Variants in BLTP3B observed in about 807,000 individuals in gnomAD.
The protein encoded by BLTP3B is UHRF1 (ICBP90) binding protein 1-like.
At chr12:100,095,150 C>T in the BLTP3B span, among the ~76,000 whole-genome samples, 89 of 152,270 alleles carry the variant, frequency 5.8e-4, no homozygotes, top group Non-Finnish European at 9.4e-4. Context: ...CCTCTCCATA[C>T]CAACTAATAA....
At chr12:100,136,247 A>G in the BLTP3B span, among the ~76,000 whole-genome samples, 1 of 152,020 alleles carries the variant, frequency 6.6e-6, no homozygotes, top group Non-Finnish European at 1.5e-5. Flanking sequence ...TACTCAAGTA[A>G]ATTTATAATC....
the BLTP3B span, among the ~76,000 whole-genome samples, chr12:100,056,356 G>C: frequency 6.6e-6 from 1 of 152,080 alleles, no homozygotes. Flanking sequence ...AAATTACCCA[G>C]TCTGTGGTAT....
chr12:100,094,912 G>A, the BLTP3B span, among the ~76,000 whole-genome samples: 1 of 152,142 alleles, frequency 6.6e-6, no homozygotes, highest in Non-Finnish European at 1.5e-5. Flanking sequence ...TCACCAACAA[G>A]CTATATATCT....
chr12:100,066,733 G>A, the BLTP3B span, among the ~76,000 whole-genome samples: 1 of 150,790 alleles, frequency 6.6e-6, no homozygotes, highest in Admixed American at 6.6e-5. Flanking sequence ...GAACCCAGGA[G>A]GCAGAGCTTG....
the BLTP3B span, among the ~76,000 whole-genome samples, chr12:100,075,611 C>T: frequency 1.3e-5 from 2 of 152,120 alleles, no homozygotes; most frequent in African/African-American, 4.8e-5. Flanking sequence ...TATCCAGAAT[C>T]TATAAGGAAC....
chr12:100,060,675 A>C, the BLTP3B span, among the ~76,000 whole-genome samples: 1 of 152,218 alleles, frequency 6.6e-6, no homozygotes, highest in South Asian at 2.1e-4. Context: ...TCACTCTTTC[A>C]TAGCTCTCCT....
At chr12:100,101,077 G>A in the BLTP3B span, among the ~76,000 whole-genome samples, 6 of 152,092 alleles carry the variant, frequency 3.9e-5, no homozygotes, top group Admixed American at 6.6e-5. Flanking sequence ...AGTTCTTTCC[G>A]ACTCTAGCCA....
chr12:100,046,759 A>C, the BLTP3B span, among the ~76,000 whole-genome samples: 1 of 152,174 alleles, frequency 6.6e-6, no homozygotes, highest in Non-Finnish European at 1.5e-5. Flanking sequence ...ACTATAAAGA[A>C]GACAGTTGAG....
At chr12:100,061,970 G>A in the BLTP3B span, among the ~76,000 whole-genome samples, 48 of 152,088 alleles carry the variant, frequency 3.2e-4, no homozygotes, top group Admixed American at 7.9e-4. Context: ...AGACAATTAC[G>A]GTAAAATGAG....
the BLTP3B span, among the ~76,000 whole-genome samples, chr12:100,096,265 A>ATTAGTAGTAGT: frequency 6.6e-6 from 1 of 152,112 alleles, no homozygotes; most frequent in Admixed American, 6.5e-5. Context: ...AAAAAAAAAA[A>ATTAGTAGTAGT]AGTAGTAGTA....
At chr12:100,053,092 C>G in the BLTP3B span, among the ~76,000 whole-genome samples, 2 of 151,736 alleles carry the variant, frequency 1.3e-5, no homozygotes, top group African/African-American at 4.8e-5. Flanking sequence ...TGCGCTCGGC[C>G]AAATTTGTGT....
chr12:100,061,832 T>C, the BLTP3B span, among the ~76,000 whole-genome samples: 1 of 152,146 alleles, frequency 6.6e-6, no homozygotes, highest in East Asian at 1.9e-4. Flanking sequence ...AAGAAATACA[T>C]GCATTAAAAA....
the BLTP3B span, among the ~76,000 whole-genome samples, chr12:100,120,095 G>A: frequency 6.6e-6 from 1 of 152,132 alleles, no homozygotes; most frequent in Non-Finnish European, 1.5e-5. Context: ...CAGGCAAAAG[G>A]CCTGGGCGTG....
chr12:100,048,729 G>T, the BLTP3B span, among the ~76,000 whole-genome samples: 1 of 131,402 alleles, frequency 7.6e-6, no homozygotes, highest in Non-Finnish European at 1.6e-5. Context: ...ATTATAGTAA[G>T]GGGGGGGAGA....
the BLTP3B span, chr12:100,058,081 T>C: frequency 4.4e-6 from 7 of 1,604,852 alleles, no homozygotes; most frequent in South Asian, 7.9e-5. Context: ...TCTTCTTTAC[T>C]GATATCCAGG....
chr12:100,110,026 C>G, the BLTP3B span, among the ~76,000 whole-genome samples: 4 of 151,888 alleles, frequency 2.6e-5, no homozygotes, highest in Admixed American at 2.6e-4. Flanking sequence ...ATATACATTA[C>G]TTTATCTTCC....
chr12:100,039,733 C>A, the BLTP3B span: 2 of 1,613,388 alleles, frequency 1.2e-6, no homozygotes, highest in South Asian at 2.2e-5. Flanking sequence ...GTCAGCAGCA[C>A]TGAATCGCTT....
the BLTP3B span, among the ~76,000 whole-genome samples, chr12:100,091,012 C>G: frequency 4.0e-5 from 6 of 150,840 alleles, no homozygotes; most frequent in African/African-American, 1.5e-4. Context: ...TATAAGCTCT[C>G]TGCCTCATGA....
At chr12:100,123,413 TC>T in the BLTP3B span, among the ~76,000 whole-genome samples, 10 of 152,126 alleles carry the variant, frequency 6.6e-5, no homozygotes, top group African/African-American at 2.4e-4. Context: ...ACAACAATAA[TC>T]ATCAACACAG....
Sources: allele counts gnomAD v4.1 joint callset (sites outside exome capture counted in the v4.1 genomes callset), GRCh38; gene constraint gnomAD v4.1.1; transcripts MANE v1.5; gene names NCBI Gene and HGNC (gene_info 2026-07-23, HGNC 2026-07-21).